Variants in CHD1L observed in about 807,000 individuals in gnomAD.
CHD1L encodes chromodomain helicase DNA binding protein 1 like.
A neutral mutation model predicts 115.9 loss-of-function variants in CHD1L; 118 were observed. That is an observed-to-expected ratio of 1.02 (90% confidence interval 0.88 to 1.19). CHD1L has a LOEUF of 1.19. Ranked by LOEUF, CHD1L falls within the 50% of genes most tolerant of loss-of-function variation. The pLI is 0.00. For synonymous variants in CHD1L, 411 were observed against 387.1 expected, an observed-to-expected ratio of 1.06 and a Z score of -0.72; for missense variants, 1,179 against 1,065.3, an observed-to-expected ratio of 1.11 and a Z score of -1.49.
chr1:147,214,459 C>A, the CHD1L span, among the ~76,000 whole-genome samples: 19 of 149,206 alleles, frequency 1.3e-4, no homozygotes, highest in African/African-American at 2.7e-4. Flanking sequence ...TGAAAAAAAA[C>A]AAAAAACAAA....
chr1:147,265,846 A>G (rs1368285920), intron 7 of CHD1L, 86 bp from the exon 8 acceptor site: 2 of 1,278,738 alleles, frequency 1.6e-6, no homozygotes, highest in African/African-American at 1.5e-5. Flanking sequence ...ATAAGAAACA[A>G]AAATAAATTT....
At position 147,271,013 on chromosome 1, in the gene CHD1L, C is replaced by G; in HGVS notation, c.1159+8C>G. The G allele has an allele frequency of 6.2e-7, 1 of 1,610,274 alleles. No individual in the cohort carries two copies. Among genetic ancestry groups the G allele is most frequent in the Non-Finnish European group, 8.5e-7 (1 of 1,176,608 alleles). The stretch of plus-strand genomic sequence containing the variant: ...ACTATATGGATTACAGAGGTGACAC[C>G]TTTTGGCCACTACATTACCTAAGGC... On this transcript the variant is annotated splice_region_variant and intron_variant, in intron 11 of 22. Transcript: ENST00000369258.
chr1:147,178,139 TCCCGGGCGTGGCGCTGCTTCTCG>T, the CHD1L span: 7 of 1,604,798 alleles, frequency 4.4e-6, no homozygotes, highest in East Asian at 1.6e-4. Flanking sequence ...CCAGCGCTGT[TCCCGGGCGTGGCGCTGCTTCTCG>T]CCGCGGCCCG....
the CHD1L span, among the ~76,000 whole-genome samples, chr1:147,181,913 A>G: frequency 3.9e-5 from 6 of 152,206 alleles, no homozygotes; most frequent in African/African-American, 7.2e-5. Context: ...ATGAACTGAA[A>G]AGGTAGGAGA....
the CHD1L span, chr1:147,209,078 T>G: frequency 1.9e-6 from 3 of 1,597,880 alleles, no homozygotes; most frequent in Non-Finnish European, 1.7e-6. Flanking sequence ...ATTGTTTGCT[T>G]TTGTCACTCA....
At chr1:147,222,331 A>G in the CHD1L span, among the ~76,000 whole-genome samples, 1 of 152,168 alleles carries the variant, frequency 6.6e-6, no homozygotes, top group Non-Finnish European at 1.5e-5. Context: ...TCACGCCACT[A>G]TACTCCAGCC....
chr1:147,218,056 T>C, the CHD1L span, among the ~76,000 whole-genome samples: 19 of 152,326 alleles, frequency 1.2e-4, no homozygotes, highest in African/African-American at 4.6e-4. Context: ...AACATTTATC[T>C]CAAAAAGACT....
chr1:147,294,386 A>ATGT, intron 21 of CHD1L, 23 bp from the exon 22 acceptor site: 2 of 1,453,732 alleles, frequency 1.4e-6, no homozygotes, highest in Non-Finnish European at 1.9e-6. Flanking sequence ...GAGTGAAGAC[A>ATGT]TGTGTTCTTC....
intron 6 of CHD1L, among the ~76,000 whole-genome samples, chr1:147,262,820 C>A (rs1156458993): frequency 6.7e-6 from 1 of 149,420 alleles, no homozygotes; most frequent in Non-Finnish European, 1.5e-5. Flanking sequence ...TTCCTATGGC[C>A]CCCCCTCCAA....
At chr1:147,251,603 A>C (rs1668426930) in intron 1 of CHD1L, among the ~76,000 whole-genome samples, 1 of 152,018 alleles carries the variant, frequency 6.6e-6, no homozygotes, top group South Asian at 2.1e-4. Context: ...ATCTCGGCTT[A>C]CTACAACCTC....
intron 19 of CHD1L, among the ~76,000 whole-genome samples, chr1:147,288,413 G>T (rs1553967968): frequency 6.6e-6 from 1 of 150,720 alleles, no homozygotes; most frequent in Non-Finnish European, 1.5e-5. Flanking sequence ...TCTATGGGAA[G>T]CCGGGCGTGG....
Position 147,264,593 on chromosome 1 carries a change from C to G in CHD1L, c.739+9C>G, listed in dbSNP as rs1553946700. The G allele has an allele frequency of 1.9e-6, 3 of 1,611,502 alleles. No individual in the cohort carries two copies. The highest frequency in any genetic ancestry group is 1.7e-5 in the Admixed American group (1 of 59,550). On this transcript the variant is annotated intron_variant, in intron 7 of 22. Transcript: ENST00000369258. The stretch of plus-strand genomic sequence containing the variant: ...GAAAGAATCTGAGTCAGGCAAGTTC[C>G]TTTCCTGCAAATCATCCCCAAGAAG...
the CHD1L span, chr1:147,204,545 C>G: frequency 3.2e-6 from 5 of 1,582,224 alleles, no homozygotes; most frequent in African/African-American, 5.4e-5. Context: ...TCATAACCTT[C>G]TATGACCTCT....
chr1:147,179,147 A>T, the CHD1L span: 1 of 1,614,100 alleles, frequency 6.2e-7, no homozygotes, highest in South Asian at 1.1e-5. Context: ...TTCTCGCGTG[A>T]TGGGAATGCT....
chr1:147,254,464 G>A (rs1229197979), intron 2 of CHD1L, among the ~76,000 whole-genome samples: 1 of 152,160 alleles, frequency 6.6e-6, no homozygotes, highest in Non-Finnish European at 1.5e-5. Context: ...AGGCAGCAGA[G>A]GGCCACCATG....
chr1:147,180,351 G>C, the CHD1L span, among the ~76,000 whole-genome samples: 1 of 152,026 alleles, frequency 6.6e-6, no homozygotes, highest in Non-Finnish European at 1.5e-5. Context: ...GAGTTCATTG[G>C]CGCGATCTCA....
At chr1:147,198,719 C>G in the CHD1L span, among the ~76,000 whole-genome samples, 1 of 151,726 alleles carries the variant, frequency 6.6e-6, no homozygotes, top group Admixed American at 6.6e-5. Context: ...GGCATGGTGG[C>G]GGGCGCCTGT....
Position 147,268,895 on chromosome 1 carries a change from C to T in CHD1L, c.1085+17C>T, listed in dbSNP as rs189669079. 7 of 1,590,366 alleles carry T rather than the reference C, an allele frequency of 4.4e-6. No individual in the cohort carries two copies. The Admixed American group carries it at 1.0e-4, about 23-fold the overall frequency. On this transcript the variant is annotated intron_variant, in intron 10 of 22. Coordinates refer to ENST00000369258, the MANE Select transcript of CHD1L (RefSeq NM_004284.6). Reference sequence around the variant, plus strand: ...GTATTCTGGGTAGGTGGTAGGTTCACATTTGCTGCTCTGAGCTAATGACTG... The same window carrying T: ...GTATTCTGGGTAGGTGGTAGGTTCATATTTGCTGCTCTGAGCTAATGACTG...
chr1:147,186,431 ATCTC>A, the CHD1L span: 2 of 912,998 alleles, frequency 2.2e-6, no homozygotes, highest in Non-Finnish European at 2.6e-6. Flanking sequence ...TATTTCTCTT[ATCTC>A]TCAGGAAACA....
Sources: gnomAD v4.1 joint callset for allele counts (sites outside exome capture counted in the v4.1 genomes callset) on GRCh38, gnomAD v4.1.1 for gene constraint, MANE v1.5 for transcripts, NCBI Gene and HGNC (gene_info 2026-07-23, HGNC 2026-07-21) for gene names.